The following NDST1 variants were observed in gnomAD, a reference collection of about 807,000 sequenced individuals.
NDST1 encodes the protein N-deacetylase and N-sulfotransferase 1.
Under a neutral mutation model 92.8 loss-of-function variants are expected in NDST1, and 35 were observed. That is an observed-to-expected ratio of 0.38 (90% CI 0.29 to 0.50). The LOEUF (loss-of-function observed/expected upper bound fraction) is 0.50, where lower values mean the gene tolerates loss of function less well. Ranked by LOEUF, NDST1 falls within the 20% of genes least tolerant of loss-of-function variation. NDST1 has a pLI of 0.94. For missense variants in NDST1, 822 were observed against 1,182.7 expected (o/e 0.69, Z 4.47); for synonymous variants, 493 against 500.3 (o/e 0.99, Z 0.19).
At chr5:150,528,337 G>T (rs767518206) in intron 3 of NDST1, 39 bp downstream of exon 3, 2 of 1,551,182 alleles carry the variant, frequency 1.3e-6, no homozygotes, top group Middle Eastern at 1.7e-4. Context: ...GGCAGGTGGG[G>T]CCTGGCAAGC....
Position 150,548,379 on chromosome 5 carries a change from C to A in NDST1, c.2307C>A (p.His769Gln), listed in dbSNP as rs768728267. The change falls in exon 12 of 15, where the codon CAC (histidine) becomes CAA (glutamine). Residue 769 changes from histidine to glutamine, a missense_variant. By Grantham distance (24) the His-to-Gln change is conservative. Coordinates refer to ENST00000261797, the MANE Select transcript of NDST1 (RefSeq NM_001543.5). The part of the protein sequence containing the change: ...THIERWLSAY[H>Q]ANQILVLDGK... ...TCGAGCGCTGGCTCAGTGCCTATCA[C>A]GCCAACCAGGTAGCTGCTGTCCCTG... 3 of 1,611,864 alleles carry A rather than the reference C, an allele frequency of 1.9e-6. No homozygotes were observed. The highest frequency in any genetic ancestry group is 1.1e-5 in the South Asian group (1 of 91,080).
At position 150,521,789 on chromosome 5, in the gene NDST1, C is replaced by G; in HGVS notation, c.513+22C>G. On this transcript the variant is annotated intron_variant, in intron 2 of 14. Coordinates refer to ENST00000261797, the MANE Select transcript of NDST1 (RefSeq NM_001543.5). This position sits in a 1 kb window ranked among gnomAD's most constrained non-coding sequence, Gnocchi z 5.9. ...CAAGGTACACAAGAAGCAGGGTCCC[C>G]GAGCAGTTCAGAGCCCCCTCTGCAG... 6.2e-7 allele frequency: 1 copy of G among 1,610,716 alleles called. No homozygotes were observed.
At chr5:150,543,114 C>T in intron 10 of NDST1, 143 bp downstream of exon 10, 1 of 1,153,788 alleles carries the variant, frequency 8.7e-7, no homozygotes, top group Non-Finnish European at 1.3e-6. Context: ...GTGCAGTGAC[C>T]CTTGAATCAT....
At chr5:150,527,537 A>G (rs1464440952) in intron 2 of NDST1, among the ~76,000 whole-genome samples, 1 of 152,184 alleles carries the variant, frequency 6.6e-6, no homozygotes, top group Non-Finnish European at 1.5e-5. Flanking sequence ...TGGGTATGAG[A>G]GCAGTGTCTC....
At chr5:150,499,730 G>A (rs1264447672) in intron 1 of NDST1, among the ~76,000 whole-genome samples, 6 of 152,196 alleles carry the variant, frequency 3.9e-5, no homozygotes, top group Admixed American at 3.9e-4. Flanking sequence ...CACTGACCCA[G>A]GCGGCTTCTT....
chr5:150,520,429 T>C (rs1052746763), intron 1 of NDST1, among the ~76,000 whole-genome samples: 2 of 152,128 alleles, frequency 1.3e-5, no homozygotes, highest in African/African-American at 4.8e-5. Context: ...GAATGGAATA[T>C]GGTGAGGATG....
chr5:150,533,696 C>T (rs974313495), intron 4 of NDST1, among the ~76,000 whole-genome samples: 6 of 152,212 alleles, frequency 3.9e-5, no homozygotes, highest in African/African-American at 1.4e-4. Flanking sequence ...AATAATTCAG[C>T]AGATGGAGGG....
chr5:150,500,019 A>G (rs927080643), intron 1 of NDST1, among the ~76,000 whole-genome samples: 3 of 152,120 alleles, frequency 2.0e-5, no homozygotes, highest in African/African-American at 4.8e-5. Context: ...CTCCTAGAGT[A>G]TGTTGCTTTA....
intron 1 of NDST1, among the ~76,000 whole-genome samples, chr5:150,515,796 G>A (rs1753931629): frequency 6.6e-6 from 1 of 152,180 alleles, no homozygotes; most frequent in South Asian, 2.1e-4. Flanking sequence ...AAGCCCCTCA[G>A]TTACTTACCT....
At chr5:150,545,543 T>A in intron 11 of NDST1, 57 bp downstream of exon 11, 1 of 1,592,268 alleles carries the variant, frequency 6.3e-7, no homozygotes, top group Non-Finnish European at 8.6e-7. Flanking sequence ...CGTCTGACAC[T>A]CAGTTACTCA....
intron 1 of NDST1, 96 bp downstream of exon 1, chr5:150,508,322 A>AGTGTGT (rs56201209): frequency 2.9e-3 from 428 of 146,092 alleles, no homozygotes; most frequent in African/African-American, 8.2e-3. Flanking sequence ...GGTCCATCTG[A>AGTGTGT]GTGTGTGTGT....
intron 1 of NDST1, among the ~76,000 whole-genome samples, chr5:150,512,077 C>T (rs2151254163): frequency 6.6e-6 from 1 of 152,252 alleles, no homozygotes; most frequent in African/African-American, 2.4e-5. Flanking sequence ...CCCTCCCCTG[C>T]TCAGGTCCCT....
At chr5:150,542,756 C>T in intron 9 of NDST1, 92 bp from the exon 10 acceptor site, 1 of 1,533,532 alleles carries the variant, frequency 6.5e-7, no homozygotes, top group Non-Finnish European at 9.0e-7. Context: ...CAGGAGCCCC[C>T]AGTGGGTCGT....
At chr5:150,528,736 A>C (rs1371687959) in intron 3 of NDST1, among the ~76,000 whole-genome samples, 1 of 152,214 alleles carries the variant, frequency 6.6e-6, no homozygotes, top group Non-Finnish European at 1.5e-5. Flanking sequence ...TGGAGGTTGC[A>C]GTGAGCCGAG....
rs3776840 is a variant in NDST1 at position 150,527,641 on chromosome 5, G to A, written c.514-163G>A. Among the ~76,000 whole-genome samples, 1,948 of 152,314 alleles carry A rather than the reference G, an allele frequency of 0.013. 101 individuals are homozygous for A. In the East Asian group the frequency reaches 0.15, roughly 12 times the overall value. On this transcript the variant is annotated intron_variant, in intron 2 of 14. Transcript: ENST00000261797. ...TGGTAAGTGAGTCGTGTGTTTGTGA[G>A]TATATTATTGTGCAGGGTGGAGCGC... is the stretch of plus-strand genomic sequence containing the variant.
At chr5:150,509,731 G>A (rs547117917) in intron 1 of NDST1, among the ~76,000 whole-genome samples, 2 of 152,096 alleles carry the variant, frequency 1.3e-5, no homozygotes, top group African/African-American at 4.8e-5. Context: ...GGATGGTCTC[G>A]ATCTCAGGAC....
Position 150,521,171 on chromosome 5 carries a change from C to T in NDST1, c.-84C>T, listed in dbSNP as rs1214050472. ...CTCTGTGAATTTGTTGGTCAGTGGA[C>T]GATTCTCGTGTCTCCTCCTGTGTGG... On this transcript the variant is annotated 5_prime_UTR_variant, in exon 2 of 15. In the 5' UTR this introduces an upstream ATG that the reference lacks. Coordinates refer to ENST00000261797, the MANE Select transcript of NDST1 (RefSeq NM_001543.5). This position sits in a 1 kb window ranked among gnomAD's most constrained non-coding sequence, Gnocchi z 5.9. 11 of 1,284,518 alleles carry T rather than the reference C, an allele frequency of 8.6e-6. No homozygotes were observed. Among genetic ancestry groups the T allele is most frequent in the African/African-American group, 4.5e-5 (3 of 67,044 alleles). 79.6% of individuals were successfully genotyped at this position (1,284,518 alleles called of 1,614,324 possible).
chr5:150,546,281 C>T (rs377019107), intron 11 of NDST1, among the ~76,000 whole-genome samples: 5 of 152,162 alleles, frequency 3.3e-5, no homozygotes, highest in Admixed American at 2.0e-4. Context: ...CAGGCATGAG[C>T]CACTGCGCCC....
chr5:150,531,222 T>G (rs1435636698), intron 3 of NDST1, among the ~76,000 whole-genome samples: 1 of 152,222 alleles, frequency 6.6e-6, no homozygotes, highest in Non-Finnish European at 1.5e-5. Flanking sequence ...TGAGTCCTTG[T>G]GCTTAGCCCT....
Sources: allele counts gnomAD v4.1 joint callset (sites outside exome capture counted in the v4.1 genomes callset), GRCh38; gene constraint gnomAD v4.1.1; non-coding constraint Gnocchi (gnomAD v3.1); transcripts MANE v1.5; gene names NCBI Gene and HGNC (gene_info 2026-07-23, HGNC 2026-07-21).